METTL8: variants seen among roughly 807,000 people sequenced by gnomAD.
METTL8 encodes tRNA N(3)-cytidine methyltransferase METTL8, mitochondrial.
Under a neutral mutation model 48.7 loss-of-function variants are expected in METTL8, and 32 were observed. That is an observed-to-expected ratio of 0.66 (90% CI 0.50 to 0.88). The LOEUF (loss-of-function observed/expected upper bound fraction) is 0.88, where lower values mean the gene tolerates loss of function less well. Among genes scored for constraint, METTL8 ranks in the 40% least tolerant of loss-of-function variants. The probability of loss-of-function intolerance (pLI) is 0.00; values close to 1 mark genes in which losing one functional copy is unlikely to be tolerated. For synonymous variants in METTL8, 136 were observed against 157.1 expected, an observed-to-expected ratio of 0.87 and a Z score of 1.01; for missense variants, 464 against 474.4, an observed-to-expected ratio of 0.98 and a Z score of 0.20.
At chr2:171,397,478 CAGG>C (rs1689211149) in intron 1 of METTL8, among the ~76,000 whole-genome samples, 1 of 139,446 alleles carries the variant, frequency 7.2e-6, no homozygotes, top group Non-Finnish European at 1.5e-5. Flanking sequence ...CACTTGAGTT[CAGG>C]AGTTCAAGGC....
intron 2 of METTL8, among the ~76,000 whole-genome samples, chr2:171,371,836 C>CTATTATTATTATTATTATTATTAT (rs4027587): frequency 1.4e-5 from 2 of 143,862 alleles, no homozygotes; most frequent in African/African-American, 5.1e-5. Flanking sequence ...GTTATTATTA[C>CTATTATTATTATTATTATTATTAT]TATTATTATT....
At chr2:171,331,697 G>T in intron 6 of METTL8, 107 bp downstream of exon 6, 10 of 869,684 alleles carry the variant, frequency 1.1e-5, no homozygotes, top group Non-Finnish European at 1.9e-5. Context: ...GATTACAGGT[G>T]TGAGCCACCA....
chr2:171,373,908 C>T (rs1686653407), intron 2 of METTL8, among the ~76,000 whole-genome samples: 3 of 152,232 alleles, frequency 2.0e-5, no homozygotes, highest in South Asian at 2.1e-4. Flanking sequence ...TGAAGTCAGG[C>T]AGCGTGATGC....
chr2:171,333,673 T>C (rs1685779783), intron 5 of METTL8, among the ~76,000 whole-genome samples: 1 of 152,168 alleles, frequency 6.6e-6, no homozygotes, highest in African/African-American at 2.4e-5. Context: ...AATTGTGACT[T>C]GTAATTTGCT....
At chr2:171,384,811 G>A (rs1467611424) in intron 2 of METTL8, among the ~76,000 whole-genome samples, 1 of 152,146 alleles carries the variant, frequency 6.6e-6, no homozygotes, top group Non-Finnish European at 1.5e-5. Flanking sequence ...CAGTCTAGGT[G>A]ACAGAGCAAG....
At chr2:171,358,259 G>A (rs1684795332) in intron 3 of METTL8, among the ~76,000 whole-genome samples, 1 of 151,640 alleles carries the variant, frequency 6.6e-6, no homozygotes, top group African/African-American at 2.4e-5. Context: ...GCTGAGACAG[G>A]AGAATTGCTT....
chr2:171,338,782 A>G (rs1163641245), intron 4 of METTL8, among the ~76,000 whole-genome samples: 2 of 152,174 alleles, frequency 1.3e-5, no homozygotes, highest in Non-Finnish European at 2.9e-5. Context: ...TAAGAAAGAC[A>G]GGGTTTAGTT....
intron 1 of METTL8, among the ~76,000 whole-genome samples, chr2:171,409,654 G>A (rs975849024): frequency 1.3e-5 from 2 of 152,176 alleles, no homozygotes; most frequent in Admixed American, 1.3e-4. Context: ...GGAGGGGTGG[G>A]AGAAGGCTCT....
chr2:171,423,038 G>T, intron 1 of METTL8, among the ~76,000 whole-genome samples: 1 of 152,164 alleles, frequency 6.6e-6, no homozygotes, highest in South Asian at 2.1e-4. Context: ...TTATCCTCAT[G>T]CTGATCTTGT....
At chr2:171,324,489 A>G (rs1380559199) in intron 9 of METTL8, 127 bp from the exon 10 acceptor site, 1 of 878,510 alleles carries the variant, frequency 1.1e-6, no homozygotes, top group East Asian at 2.7e-5. Context: ...CTCTAGAACA[A>G]TTTGGTGAAG....
intron 7 of METTL8, 136 bp downstream of exon 7, chr2:171,330,423 A>T (rs1685394990): frequency 5.3e-6 from 4 of 748,342 alleles, no homozygotes; most frequent in Non-Finnish European, 8.4e-6. Context: ...ACTGCCTTTA[A>T]AAGGCTGTGT....
In METTL8 at chr2:171,319,201, C is replaced by T. The variant is rs1054679832; in HGVS notation, c.*4971G>A. 1 of 152,166 alleles carries T rather than the reference C, an allele frequency of 6.6e-6. No individual in the cohort carries two copies. Among genetic ancestry groups the T allele is most frequent in the Non-Finnish European group, 1.5e-5 (1 of 68,034 alleles). The allele number at this position is 152,166 out of a possible 1,614,324, so 9.4% of individuals were successfully genotyped here. On this transcript the variant is annotated 3_prime_UTR_variant, in exon 10 of 10. Transcript: ENST00000375258. ...TGTGTACTGCCTTGTAGATTAATAA[C>T]AATACCTCACATATATTTAATGCTC... is the stretch of plus-strand genomic sequence containing the variant.
rs1180650209 is a variant in METTL8 at position 171,380,498 on chromosome 2, C to A, written c.143+11545G>T. Among the ~76,000 whole-genome samples the A allele has an allele frequency of 4.6e-5, 7 of 152,142 alleles. No homozygotes were observed. The East Asian group carries it at 1.2e-3, about 25-fold the overall frequency. ...ATGACATGATCCTATATTTAGAAAA[C>A]CCCATGGTCTCAGCCCAAAAACTCC... is the stretch of plus-strand genomic sequence containing the variant. On this transcript the variant is annotated intron_variant, in intron 2 of 9. Transcript: ENST00000375258.
At chr2:171,365,961 T>G (rs928079521) in intron 2 of METTL8, among the ~76,000 whole-genome samples, 1 of 152,150 alleles carries the variant, frequency 6.6e-6, no homozygotes, top group Non-Finnish European at 1.5e-5. Flanking sequence ...GGCAGTTTCA[T>G]GAGTTGAGAA....
rs762362694 is a variant in METTL8, at chr2:171,320,179, C to T, written c.*3993G>A. 20 of 151,770 alleles carry T rather than the reference C, an allele frequency of 1.3e-4. No individual in the cohort carries two copies. The highest frequency in any genetic ancestry group is 2.2e-4 in the Non-Finnish European group (15 of 67,958). 9.4% of individuals were successfully genotyped at this position (151,770 alleles called of 1,614,324 possible). A position where few individuals can be genotyped will look rare whatever the true frequency, so the allele number is the denominator to read the frequency against. On this transcript the variant is annotated 3_prime_UTR_variant, in exon 10 of 10. Coordinates refer to ENST00000375258, the MANE Select transcript of METTL8 (RefSeq NM_001321154.2). ...TACATTTCTATCTAGCAGCAAACCC[C>T]GAGAAGGAAGTTGTTGTAGGTAGGT...
intron 3 of METTL8, among the ~76,000 whole-genome samples, chr2:171,346,647 A>G: frequency 6.6e-6 from 1 of 152,172 alleles, no homozygotes; most frequent in East Asian, 1.9e-4. Context: ...TGCATATAGA[A>G]TACTCTGTGA....
chr2:171,337,566 G>C (rs1162924060), intron 4 of METTL8, 64 bp from the exon 5 acceptor site: 2 of 1,241,368 alleles, frequency 1.6e-6, no homozygotes, highest in African/African-American at 3.0e-5. Context: ...ACCAATGTCA[G>C]ATCTCCTATT....
chr2:171,412,489 G>T, intron 1 of METTL8, among the ~76,000 whole-genome samples: 1 of 152,028 alleles, frequency 6.6e-6, no homozygotes, highest in East Asian at 1.9e-4. Flanking sequence ...TCAGAGTATG[G>T]TTCACGAATT....
rs532362640 is a variant in METTL8 at position 171,411,160 on chromosome 2, A to G, written c.-12-18963T>C. Among the ~76,000 whole-genome samples, 4 of 152,366 alleles carry G rather than the reference A, an allele frequency of 2.6e-5. No individual in the cohort carries two copies. In the South Asian group the frequency reaches 8.3e-4, roughly 32 times the overall value. On this transcript the variant is annotated intron_variant, in intron 1 of 9. Transcript: ENST00000375258. ...GACATGGAAGACAATTTTAATAAGT[A>G]GGAAGACAGTACATGGGTTTCTGGG...
Sources: gnomAD v4.1 joint callset for allele counts (sites outside exome capture counted in the v4.1 genomes callset) on GRCh38, gnomAD v4.1.1 for gene constraint, MANE v1.5 for transcripts, NCBI Gene and HGNC (gene_info 2026-07-23, HGNC 2026-07-21) for gene names.